Variants in COLEC12 observed in about 807,000 individuals in gnomAD.
The protein encoded by COLEC12 is collectin subfamily member 12, also known as collectin-12.
A neutral mutation model predicts 71.1 loss-of-function variants in COLEC12; 33 were observed. That is an observed-to-expected ratio of 0.46 (90% confidence interval 0.35 to 0.62). The LOEUF (loss-of-function observed/expected upper bound fraction) is 0.62, where lower values mean the gene tolerates loss of function less well. Among genes scored for constraint, COLEC12 ranks in the 20% least tolerant of loss-of-function variants. The probability of loss-of-function intolerance (pLI) is 0.00; values close to 1 mark genes in which losing one functional copy is unlikely to be tolerated. For missense variants in COLEC12, 765 were observed against 916.1 expected (o/e 0.84, Z 2.13); for synonymous variants, 350 against 353.0 (o/e 0.99, Z 0.10).
At position 408,305 on chromosome 18, in the gene COLEC12, C is replaced by T. The variant is rs1915827862; in HGVS notation, c.59-50783G>A. On this transcript the variant is annotated intron_variant, in intron 2 of 9. Transcript: ENST00000400256. The surrounding 1 kb of genome is among the most constrained non-coding windows in gnomAD (Gnocchi z 4.3). ...CACAGTGCCTGGCCCCTGATACCTG[C>T]AAATGTCAGTCTCTTTTTCCTAACT... Among the ~76,000 whole-genome samples the T allele has an allele frequency of 6.6e-6, 1 of 152,156 alleles. No individual in the cohort carries two copies. Among genetic ancestry groups the T allele is most frequent in the South Asian group, 2.1e-4 (1 of 4,826 alleles).
Position 347,969 on chromosome 18 carries a change from G to A in COLEC12, c.280+96C>T, listed in dbSNP as rs909703712. The stretch of plus-strand genomic sequence containing the variant: ...CAACACAAAAATTGAATGTCCTTCC[G>A]GGTGAATGGGGAGTTTATAGCAACA... On this transcript the variant is annotated intron_variant, in intron 4 of 9. Coordinates refer to ENST00000400256, the MANE Select transcript of COLEC12 (RefSeq NM_130386.3). 24 of 721,662 alleles carry A rather than the reference G, an allele frequency of 3.3e-5. No homozygotes were observed. In the Admixed American group the frequency reaches 3.8e-4, roughly 11 times the overall value. 44.7% of individuals were successfully genotyped at this position (721,662 alleles called of 1,614,324 possible).
intron 2 of COLEC12, among the ~76,000 whole-genome samples, chr18:420,046 C>G (rs1467266086): frequency 6.6e-6 from 1 of 152,114 alleles, no homozygotes; most frequent in African/African-American, 2.4e-5. Context: ...GCCAGGCCGC[C>G]CCCAGCAATT....
chr18:355,355 G>T (rs28756303), intron 3 of COLEC12, among the ~76,000 whole-genome samples: 11,978 of 152,060 alleles, frequency 0.079, 1,516 homozygotes, highest in African/African-American at 0.27. Flanking sequence ...AGACATGAAG[G>T]GTGGGAGGGA....
At chr18:458,761 G>A (rs17455562) in intron 2 of COLEC12, among the ~76,000 whole-genome samples, 21,896 of 152,248 alleles carry the variant, frequency 0.14, 1,925 homozygotes, top group Middle Eastern at 0.22. Context: ...TCTCTCCCAC[G>A]TGAAGCCATT....
chr18:378,157 A>G (rs573554709), intron 2 of COLEC12, among the ~76,000 whole-genome samples: 5 of 152,218 alleles, frequency 3.3e-5, no homozygotes, highest in African/African-American at 1.2e-4. Context: ...AGAGACATTT[A>G]AAAAAATACC....
At chr18:373,300 G>T (rs565625798) in intron 2 of COLEC12, among the ~76,000 whole-genome samples, 5 of 152,100 alleles carry the variant, frequency 3.3e-5, no homozygotes, top group South Asian at 2.1e-4. Context: ...CACAGTGACC[G>T]CTGGAAAGGG....
intron 1 of COLEC12, among the ~76,000 whole-genome samples, chr18:497,421 T>TGTGTGTGTGTGTGTG (rs1555623892): frequency 1.3e-5 from 2 of 149,700 alleles, no homozygotes; most frequent in African/African-American, 2.5e-5. Flanking sequence ...TGTGTGTGTG[T>TGTGTGTGTGTGTGTG]TTGAGAGAGT....
At position 342,411 on chromosome 18, in the gene COLEC12, G is replaced by A. The variant is rs181630624; in HGVS notation, c.1327+3884C>T. 4.2e-4 allele frequency among the ~76,000 whole-genome samples: 64 copies of A among 152,326 alleles called. No individual in the cohort carries two copies. In the East Asian group the frequency reaches 7.5e-3, roughly 18 times the overall value. ...AGCTTCAGCTCCCAATTCCTAATGC[G>A]GCAAATGTCTATATGGCTGAACTGG... On this transcript the variant is annotated intron_variant, in intron 5 of 9. Coordinates refer to ENST00000400256, the MANE Select transcript of COLEC12 (RefSeq NM_130386.3).
At chr18:496,376 C>T (rs947485218) in intron 1 of COLEC12, among the ~76,000 whole-genome samples, 1 of 152,120 alleles carries the variant, frequency 6.6e-6, no homozygotes, top group East Asian at 1.9e-4. Flanking sequence ...GAATGTCAAG[C>T]ATTCCCAAAC....
intron 2 of COLEC12, among the ~76,000 whole-genome samples, chr18:393,518 T>G (rs1326557847): frequency 6.6e-6 from 1 of 152,160 alleles, no homozygotes; most frequent in Non-Finnish European, 1.5e-5. Flanking sequence ...AACAAGCCAC[T>G]CTCTACCATG....
At chr18:336,083 T>C (rs778359882) in intron 5 of COLEC12, among the ~76,000 whole-genome samples, 1 of 152,220 alleles carries the variant, frequency 6.6e-6, no homozygotes, top group Non-Finnish European at 1.5e-5. Context: ...TATTGTGGGA[T>C]AAAGAACTGA....
intron 1 of COLEC12, among the ~76,000 whole-genome samples, chr18:491,786 TTAACG>T (rs749575743): frequency 2.0e-5 from 3 of 152,236 alleles, no homozygotes; most frequent in Non-Finnish European, 4.4e-5. Flanking sequence ...AAAATTTATC[TTAACG>T]TATTTTGGGC....
intron 2 of COLEC12, among the ~76,000 whole-genome samples, chr18:394,468 C>T (rs1277359501): frequency 6.6e-6 from 1 of 152,178 alleles, no homozygotes; most frequent in Admixed American, 6.5e-5. Context: ...TGATGTAATA[C>T]CACATGAAAA....
chr18:405,495 C>T (rs995271739), intron 2 of COLEC12, among the ~76,000 whole-genome samples: 16 of 152,090 alleles, frequency 1.1e-4, no homozygotes, highest in African/African-American at 3.9e-4. Flanking sequence ...GGCCCAGCTG[C>T]AAAATTCCTC....
chr18:444,767 G>C (rs757059961), intron 2 of COLEC12, among the ~76,000 whole-genome samples: 1 of 152,160 alleles, frequency 6.6e-6, no homozygotes, highest in Non-Finnish European at 1.5e-5. Context: ...TGGGATTGAC[G>C]TGATATTTCC....
chr18:358,314 A>T (rs1914671234), intron 2 of COLEC12, among the ~76,000 whole-genome samples: 1 of 152,128 alleles, frequency 6.6e-6, no homozygotes, highest in South Asian at 2.1e-4. Flanking sequence ...AATGCATTCC[A>T]TTTATTGTGT....
At chr18:463,406 C>T (rs995065761) in intron 2 of COLEC12, among the ~76,000 whole-genome samples, 2 of 152,170 alleles carry the variant, frequency 1.3e-5, no homozygotes, top group African/African-American at 4.8e-5. Context: ...CCAGAACCAA[C>T]TAATTCAGAA....
intron 2 of COLEC12, among the ~76,000 whole-genome samples, chr18:456,557 C>A (rs1227484951): frequency 6.6e-6 from 1 of 152,232 alleles, no homozygotes; most frequent in Non-Finnish European, 1.5e-5. Context: ...GTTCACCACA[C>A]TTCACTAGAG....
At chr18:441,338 G>A (rs915621216) in intron 2 of COLEC12, among the ~76,000 whole-genome samples, 10 of 152,144 alleles carry the variant, frequency 6.6e-5, no homozygotes, top group Non-Finnish European at 1.3e-4. Context: ...GCTTATGTGA[G>A]CTCAAGGGAC....
Sources: allele counts gnomAD v4.1 joint callset (sites outside exome capture counted in the v4.1 genomes callset), GRCh38; gene constraint gnomAD v4.1.1; non-coding constraint Gnocchi (gnomAD v3.1); transcripts MANE v1.5; gene names NCBI Gene and HGNC (gene_info 2026-07-23, HGNC 2026-07-21).